CACNA1D: variants seen among roughly 807,000 people sequenced by gnomAD.
The protein encoded by CACNA1D is voltage-dependent L-type calcium channel subunit alpha-1D.
CACNA1D carries 55 observed loss-of-function variants against 257.1 expected under a neutral mutation model. The ratio of observed to expected loss-of-function variants is 0.21; its 90% CI spans 0.17 to 0.27. CACNA1D has a LOEUF of 0.27. Among genes scored for constraint, CACNA1D ranks in the 10% least tolerant of loss-of-function variants. The pLI is 1.00. For synonymous variants in CACNA1D, 980 were observed against 1,014.9 expected (o/e 0.97, Z 0.65); for missense variants, 1,876 against 2,784.0 (o/e 0.67, Z 7.34).
At chr3:53,703,922 A>C (rs1225451246) in intron 9 of CACNA1D, among the ~76,000 whole-genome samples, 2 of 152,168 alleles carry the variant, frequency 1.3e-5, no homozygotes, top group Non-Finnish European at 2.9e-5. Flanking sequence ...GATCGAGGAC[A>C]GGGCTGGAGG....
At chr3:53,686,080 TA>T (rs908174246) in intron 8 of CACNA1D, among the ~76,000 whole-genome samples, 1 of 152,030 alleles carries the variant, frequency 6.6e-6, no homozygotes. Flanking sequence ...ATTAAAATAA[TA>T]AGAGAATAAA....
At chr3:53,745,998 G>T (rs1207043560) in intron 25 of CACNA1D, 123 bp downstream of exon 25, 2 of 751,464 alleles carry the variant, frequency 2.7e-6, no homozygotes, top group African/African-American at 3.4e-5. Flanking sequence ...TGCTCAGCTT[G>T]TGGGTAGATA....
At chr3:53,624,679 G>A (rs1009473161) in intron 3 of CACNA1D, among the ~76,000 whole-genome samples, 5 of 152,182 alleles carry the variant, frequency 3.3e-5, no homozygotes, top group African/African-American at 9.7e-5. Context: ...TGGCATTACC[G>A]TAATTCTGTT....
chr3:53,802,320 A>G, intron 43 of CACNA1D, 147 bp downstream of exon 43: 2 of 788,526 alleles, frequency 2.5e-6, no homozygotes, highest in South Asian at 1.4e-5. Context: ...CAGAGGTCAG[A>G]GGTTGTTGCT....
intron 3 of CACNA1D, among the ~76,000 whole-genome samples, chr3:53,614,126 C>CAA (rs60855377): frequency 0.35 from 38,294 of 108,478 alleles, 6,350 homozygotes; most frequent in Middle Eastern, 0.4. Context: ...GCCCCCAACT[C>CAA]AAAAAAAAAA....
At chr3:53,635,829 C>T (rs1035643553) in intron 3 of CACNA1D, among the ~76,000 whole-genome samples, 3 of 152,154 alleles carry the variant, frequency 2.0e-5, no homozygotes, top group Non-Finnish European at 2.9e-5. Flanking sequence ...TCCAGATAGT[C>T]GTAGAGATCG....
At chr3:53,742,977 A>C in intron 21 of CACNA1D, 34 bp from the exon 22 acceptor site, 1 of 1,428,740 alleles carries the variant, frequency 7.0e-7, no homozygotes, top group Non-Finnish European at 9.9e-7. Context: ...TTTGGAGACA[A>C]AAAATGGTAA....
At chr3:53,796,862 GTTTATAT>G (rs2095509858) in intron 40 of CACNA1D, among the ~76,000 whole-genome samples, 2 of 152,160 alleles carry the variant, frequency 1.3e-5, no homozygotes, top group Non-Finnish European at 1.5e-5. Flanking sequence ...AGTCAATAAT[GTTTATAT>G]TTTATAGCAA....
intron 21 of CACNA1D, among the ~76,000 whole-genome samples, chr3:53,741,246 A>G (rs2095115323): frequency 6.6e-6 from 1 of 152,240 alleles, no homozygotes; most frequent in South Asian, 2.1e-4. Context: ...GCCCATCAGA[A>G]CTGTCAGGGC....
At chr3:53,665,947 A>G (rs2094257401) in intron 6 of CACNA1D, 135 bp downstream of exon 6, 4 of 694,632 alleles carry the variant, frequency 5.8e-6, no homozygotes, top group South Asian at 3.4e-5. Context: ...TTACTGAGCC[A>G]GTTCTCAGTG....
rs554567272 is a variant in CACNA1D at position 53,741,929 on chromosome 3, T to C, written c.2812-1082T>C. Among the ~76,000 whole-genome samples, 5 of 152,286 alleles carry C rather than the reference T, an allele frequency of 3.3e-5. No homozygotes were observed. The East Asian group carries it at 9.6e-4, about 29-fold the overall frequency. On this transcript the variant is annotated intron_variant, in intron 21 of 47. Coordinates refer to ENST00000350061, the MANE Select transcript of CACNA1D (RefSeq NM_001128840.3). ...GGATTATTTAAAAGGAAAAAAATGA[T>C]TGTTACTTTTTAATTTCGGTAGAAT...
At chr3:53,638,633 C>T (rs960374989) in intron 3 of CACNA1D, among the ~76,000 whole-genome samples, 1 of 152,194 alleles carries the variant, frequency 6.6e-6, no homozygotes, top group African/African-American at 2.4e-5. Context: ...TGTCTGTATT[C>T]TCATTTTACA....
chr3:53,519,904 A>G (rs1307715299), intron 3 of CACNA1D, among the ~76,000 whole-genome samples: 1 of 152,168 alleles, frequency 6.6e-6, no homozygotes, highest in Non-Finnish European at 1.5e-5. Context: ...ACGGGATCAT[A>G]CAATATGTGT....
chr3:53,640,395 G>A (rs1395074055), intron 3 of CACNA1D, among the ~76,000 whole-genome samples: 3 of 152,174 alleles, frequency 2.0e-5, no homozygotes, highest in Non-Finnish European at 4.4e-5. Flanking sequence ...TCTGGCCTGG[G>A]TGACAACTAA....
chr3:53,509,343 G>C (rs948757310), intron 3 of CACNA1D, among the ~76,000 whole-genome samples: 2 of 152,094 alleles, frequency 1.3e-5, no homozygotes, highest in Non-Finnish European at 2.9e-5. Flanking sequence ...GTGTGAGTTA[G>C]GGGAAAGGTG....
intron 3 of CACNA1D, among the ~76,000 whole-genome samples, chr3:53,592,796 T>G (rs1342988389): frequency 6.6e-6 from 1 of 151,996 alleles, no homozygotes; most frequent in Non-Finnish European, 1.5e-5. Flanking sequence ...CTCCGCCTCC[T>G]GGGTTCAAGC....
chr3:53,802,406 G>A (rs2095540820), intron 43 of CACNA1D, among the ~76,000 whole-genome samples: 1 of 152,190 alleles, frequency 6.6e-6, no homozygotes, highest in African/African-American at 2.4e-5. Context: ...CACACACAAG[G>A]TGCACCCCAT....
chr3:53,715,205 A>G (rs1419942015), intron 9 of CACNA1D, among the ~76,000 whole-genome samples: 4 of 152,112 alleles, frequency 2.6e-5, no homozygotes. Context: ...GAGGTCTCCA[A>G]TTTCTAGCGT....
At chr3:53,537,372 TATTTA>T (rs1213054046) in intron 3 of CACNA1D, among the ~76,000 whole-genome samples, 1 of 152,212 alleles carries the variant, frequency 6.6e-6, no homozygotes. Flanking sequence ...TAGCCAATCT[TATTTA>T]ATTTGTGGAA....
Sources: allele counts gnomAD v4.1 joint callset (sites outside exome capture counted in the v4.1 genomes callset), GRCh38; gene constraint gnomAD v4.1.1; transcripts MANE v1.5; gene names NCBI Gene and HGNC (gene_info 2026-07-23, HGNC 2026-07-21).